GNPTAB: variants seen among roughly 807,000 people sequenced by gnomAD.
The protein encoded by GNPTAB is N-acetylglucosamine-1-phosphate transferase subunits alpha and beta.
GNPTAB carries 92 observed loss-of-function variants against 136.6 expected under a neutral mutation model. The observed-to-expected ratio is 0.67, with a 90% confidence interval of 0.57 to 0.80. The LOEUF is 0.80. GNPTAB is among the 30% of genes least tolerant of loss of function. GNPTAB has a pLI of 0.00. For synonymous variants in GNPTAB, 512 were observed against 535.1 expected (o/e 0.96, Z 0.60); for missense variants, 1,343 against 1,501.8 (o/e 0.89, Z 1.75).
At chr12:101,802,572 G>GA (rs916860741) in intron 1 of GNPTAB, among the ~76,000 whole-genome samples, 20 of 148,728 alleles carry the variant, frequency 1.3e-4, no homozygotes, top group East Asian at 5.9e-4. Flanking sequence ...GGCATAGAAG[G>GA]AAAAAAAAAC....
chr12:101,821,036 C>A (rs11111044), intron 1 of GNPTAB, among the ~76,000 whole-genome samples: 20,482 of 129,192 alleles, frequency 0.16, 1,565 homozygotes, highest in South Asian at 0.24. Context: ...CCAGACTGGG[C>A]GGCAGAGTGA....
At chr12:101,764,139 T>C (rs892200153) in intron 13 of GNPTAB, 63 bp downstream of exon 13, 57 of 1,606,690 alleles carry the variant, frequency 3.5e-5, no homozygotes, top group Non-Finnish European at 4.5e-5. Context: ...GCTATAATGA[T>C]ATTATCATGA....
intron 1 of GNPTAB, 65 bp from the exon 2 acceptor site, chr12:101,796,827 A>T: frequency 9.3e-7 from 1 of 1,080,640 alleles, no homozygotes; most frequent in Non-Finnish European, 1.4e-6. Flanking sequence ...CTTTCATTTC[A>T]TTTTAATTTC....
chr12:101,757,420 A>G (rs528882097), intron 17 of GNPTAB, 110 bp from the exon 18 acceptor site: 2 of 797,396 alleles, frequency 2.5e-6, no homozygotes, highest in Non-Finnish European at 4.2e-6. Flanking sequence ...ACATCCACAA[A>G]ATAACTTAAA....
intron 2 of GNPTAB, 174 bp downstream of exon 2, chr12:101,796,503 T>A (rs749243686): frequency 6.6e-6 from 4 of 609,430 alleles, no homozygotes; most frequent in Non-Finnish European, 1.2e-5. Context: ...TTTTTTTTCC[T>A]TTTTTTTAGT....
At chr12:101,829,508 A>T (rs958902790) in intron 1 of GNPTAB, among the ~76,000 whole-genome samples, 1 of 152,088 alleles carries the variant, frequency 6.6e-6, no homozygotes, top group African/African-American at 2.4e-5. Flanking sequence ...AAAATGAAGA[A>T]TTCTAACACC....
In GNPTAB at chr12:101,746,764, C is replaced by A; in HGVS notation, c.*400G>T. ...GAAATGAAAAAAAAAAAGTGCAAAACTTTAGCAAAAGGCTTTGGAATGCAA... is the reference window on the plus strand; with the variant it reads ...GAAATGAAAAAAAAAAAGTGCAAAAATTTAGCAAAAGGCTTTGGAATGCAA... On this transcript the variant is annotated 3_prime_UTR_variant, in exon 21 of 21. Coordinates refer to ENST00000299314, the MANE Select transcript of GNPTAB (RefSeq NM_024312.5). 2 of 163,446 alleles carry A rather than the reference C, an allele frequency of 1.2e-5. No homozygotes were observed. The highest frequency in any genetic ancestry group is 6.1e-5 in the Admixed American group (1 of 16,388). The allele number at this position is 163,446 out of a possible 1,614,324, so 10.1% of individuals were successfully genotyped here.
chr12:101,780,143 T>C lies in GNPTAB; in HGVS notation c.771+9A>G, dbSNP rs1344003851. The C allele has an allele frequency of 2.5e-6, 4 of 1,612,150 alleles. No individual in the cohort carries two copies. Among genetic ancestry groups the C allele is most frequent in the Middle Eastern group, 1.7e-4 (1 of 6,054 alleles). On this transcript the variant is annotated intron_variant, in intron 7 of 20. Coordinates refer to ENST00000299314, the MANE Select transcript of GNPTAB (RefSeq NM_024312.5). Reference sequence around the variant, plus strand: ...GCCAGGCTAATTGCTCTATTTTCTATGTTCTTACCAGTTTGACTTTAGAGG... The same window carrying C: ...GCCAGGCTAATTGCTCTATTTTCTACGTTCTTACCAGTTTGACTTTAGAGG...
chr12:101,825,716 GTGAAGTATCCAATAAA>G (rs1373709286), intron 1 of GNPTAB, among the ~76,000 whole-genome samples: 3 of 152,176 alleles, frequency 2.0e-5, no homozygotes, highest in Admixed American at 6.5e-5. Flanking sequence ...TGCTTCTCAT[GTGAAGTATCCAATAAA>G]TGTATATTCA....
intron 5 of GNPTAB, among the ~76,000 whole-genome samples, chr12:101,782,910 T>C (rs1868422198): frequency 6.6e-6 from 1 of 152,058 alleles, no homozygotes; most frequent in African/African-American, 2.4e-5. Flanking sequence ...GATATTCGCA[T>C]TGCTGGCTAC....
intron 2 of GNPTAB, chr12:101,795,799 T>C (rs1869249402): frequency 6.5e-6 from 1 of 152,722 alleles, no homozygotes; most frequent in Non-Finnish European, 1.5e-5. Context: ...AAACACCTTT[T>C]ATAATGAAAT....
intron 13 of GNPTAB, among the ~76,000 whole-genome samples, chr12:101,763,209 G>A (rs528244218): frequency 2.3e-5 from 3 of 131,488 alleles, no homozygotes; most frequent in East Asian, 2.3e-4. Flanking sequence ...GAAAAAGAGC[G>A]AAACTCCATC....
At chr12:101,830,241 C>G (rs572075175) in intron 1 of GNPTAB, among the ~76,000 whole-genome samples, 88 of 152,248 alleles carry the variant, frequency 5.8e-4, no homozygotes, top group Non-Finnish European at 9.6e-4. Context: ...TTTTAAAAAA[C>G]GGTGGGCGAG....
intron 1 of GNPTAB, among the ~76,000 whole-genome samples, chr12:101,828,980 T>C (rs1410905664): frequency 1.3e-5 from 2 of 152,228 alleles, no homozygotes; most frequent in Non-Finnish European, 2.9e-5. Flanking sequence ...ATCTGCCTAA[T>C]CATGCAGCTC....
At chr12:101,829,055 T>C (rs1165077926) in intron 1 of GNPTAB, among the ~76,000 whole-genome samples, 3 of 152,236 alleles carry the variant, frequency 2.0e-5, no homozygotes, top group Non-Finnish European at 2.9e-5. Flanking sequence ...ATGACACCTG[T>C]TGGCACTGTC....
intron 1 of GNPTAB, among the ~76,000 whole-genome samples, chr12:101,812,662 G>A (rs1870299417): frequency 6.6e-6 from 1 of 152,146 alleles, no homozygotes; most frequent in Non-Finnish European, 1.5e-5. Flanking sequence ...TAAGGAGGCT[G>A]AGGCAGGAGG....
intron 1 of GNPTAB, among the ~76,000 whole-genome samples, chr12:101,817,265 C>CTT (rs71438444): frequency 0.14 from 14,842 of 108,070 alleles, 1,266 homozygotes; most frequent in South Asian, 0.2. Flanking sequence ...TATCATTCCA[C>CTT]TTTTTTTTTT....
intron 2 of GNPTAB, 36 bp downstream of exon 2, chr12:101,796,641 G>A (rs573367568): frequency 5.9e-6 from 8 of 1,359,500 alleles, no homozygotes; most frequent in Middle Eastern, 1.8e-4. Context: ...TTACGATTTA[G>A]GTCCAAATAA....
intron 2 of GNPTAB, among the ~76,000 whole-genome samples, chr12:101,790,806 T>C (rs1439247424): frequency 6.6e-6 from 1 of 150,510 alleles, no homozygotes; most frequent in Non-Finnish European, 1.5e-5. Flanking sequence ...GACCTAACCC[T>C]ACTTAATGCT....
Sources: allele counts gnomAD v4.1 joint callset (sites outside exome capture counted in the v4.1 genomes callset), GRCh38; gene constraint gnomAD v4.1.1; transcripts MANE v1.5; gene names NCBI Gene and HGNC (gene_info 2026-07-23, HGNC 2026-07-21).